Variants in SREBF2 observed in about 807,000 individuals in gnomAD.
SREBF2 encodes the protein sterol regulatory element binding transcription factor 2.
Under a neutral mutation model 113.1 loss-of-function variants are expected in SREBF2, and 55 were observed. That is an observed-to-expected ratio of 0.49 (90% CI 0.39 to 0.61). The LOEUF is 0.61. SREBF2 is among the 20% of genes least tolerant of loss of function. The pLI is 0.00. For synonymous variants in SREBF2, 593 were observed against 605.7 expected (o/e 0.98, Z 0.31); for missense variants, 1,349 against 1,487.4 (o/e 0.91, Z 1.53).
At chr22:41,869,489 A>ATT (rs200309298) in intron 3 of SREBF2, among the ~76,000 whole-genome samples, 1 of 120,182 alleles carries the variant, frequency 8.3e-6, no homozygotes, top group East Asian at 2.2e-4. Context: ...CTTTTTTTTA[A>ATT]TTTTTTTTTT....
chr22:41,894,862 T>C lies in SREBF2; in HGVS notation c.2420T>C (p.Leu807Pro). Residue 807 changes from leucine (L) to proline (P), a missense_variant, in exon 13 of 19, where the codon CTG (leucine) becomes CCG (proline). Physicochemically the swap from Leu to Pro is moderately conservative, Grantham distance 98. Coordinates refer to ENST00000361204, the MANE Select transcript of SREBF2 (RefSeq NM_004599.4). ...GTCCACCAGGCCTTCTGCAAGAACC[T>C]GCTGGAGCGAGCTATAGAGTCCTTG... Reference protein sequence around the residue: ...AQVHQAFCKNLLERAIESLVK... With the variant: ...AQVHQAFCKNPLERAIESLVK... 1 of 1,614,152 alleles carries C rather than the reference T, an allele frequency of 6.2e-7. No individual in the cohort carries two copies. Among genetic ancestry groups the C allele is most frequent in the Non-Finnish European group, 8.5e-7 (1 of 1,180,024 alleles).
At chr22:41,884,785 G>A (rs2077283801) in intron 10 of SREBF2, 57 bp from the exon 11 acceptor site, 17 of 1,602,124 alleles carry the variant, frequency 1.1e-5, no homozygotes, top group Non-Finnish European at 1.4e-5. Flanking sequence ...GAGAGAGCAG[G>A]AAAAAGTTTG....
At chr22:41,863,640 A>G (rs926577223) in intron 1 of SREBF2, among the ~76,000 whole-genome samples, 2 of 152,190 alleles carry the variant, frequency 1.3e-5, no homozygotes, top group South Asian at 2.1e-4. Context: ...ATCTGTAGCA[A>G]TCTGCCCATT....
intron 15 of SREBF2, 70 bp from the exon 16 acceptor site, chr22:41,900,260 T>G: frequency 6.3e-7 from 1 of 1,587,570 alleles, no homozygotes; most frequent in Non-Finnish European, 8.5e-7. Context: ...AGTCACTGGC[T>G]TGGGCCCCTC....
At position 41,880,970 on chromosome 22, in the gene SREBF2, G is replaced by A. The variant is rs766249558; in HGVS notation, c.2016G>A (p.Arg672=). The A allele has an allele frequency of 2.5e-6, 4 of 1,608,358 alleles. No individual in the cohort carries two copies. Among genetic ancestry groups the A allele is most frequent in the Non-Finnish European group, 8.5e-7 (1 of 1,179,926 alleles). ...SARDAALAYH[R]LHQLHITGKL... The stretch of plus-strand genomic sequence containing the variant: ...GGGATGCGGCTCTGGCCTATCACCG[G>A]CTGCACCAGCTGCACATCACAGGTG... Residue 672 remains arginine, a synonymous_variant, in exon 10 of 19, where the codon CGG becomes CGA. Transcript: ENST00000361204.
At chr22:41,860,356 A>G (rs993661691) in intron 1 of SREBF2, among the ~76,000 whole-genome samples, 6 of 152,348 alleles carry the variant, frequency 3.9e-5, no homozygotes, top group East Asian at 3.9e-4. Context: ...TAGAAAAAAA[A>G]AAGACTTTCA....
At chr22:41,878,766 A>G (rs1437450400) in intron 9 of SREBF2, 4 of 1,301,972 alleles carry the variant, frequency 3.1e-6, no homozygotes, top group Non-Finnish European at 3.0e-6. Context: ...GCAGTGAGCC[A>G]TGGGCCTGCC....
At chr22:41,883,924 T>G (rs1003654348) in intron 10 of SREBF2, among the ~76,000 whole-genome samples, 4 of 152,192 alleles carry the variant, frequency 2.6e-5, no homozygotes, top group South Asian at 2.1e-4. Flanking sequence ...TCACGAGAGC[T>G]GTGATGGGCC....
chr22:41,895,023 G>A (rs2077399901), intron 13 of SREBF2, 86 bp downstream of exon 13: 2 of 1,054,200 alleles, frequency 1.9e-6, no homozygotes, highest in Non-Finnish European at 2.9e-6. Flanking sequence ...ACTCCTGGAG[G>A]GAAACAAGCC....
chr22:41,893,152 C>G lies in SREBF2; in HGVS notation c.2244C>G (p.Gly748=). ...TCAGCCGAGCCCAGAGCCTGTGTGGCCCCGAGCACAGTGCTGTTCCTGACT... is the reference window on the plus strand; with the variant it reads ...TCAGCCGAGCCCAGAGCCTGTGTGGGCCCGAGCACAGTGCTGTTCCTGACT... ...YFLSRAQSLC[G]PEHSAVPDSL... Residue 748 remains glycine (G), a synonymous_variant, in exon 12 of 19, where the codon GGC becomes GGG. Coordinates refer to ENST00000361204, the MANE Select transcript of SREBF2 (RefSeq NM_004599.4). The G allele has an allele frequency of 1.9e-6, 3 of 1,614,044 alleles. No homozygotes were observed. Among genetic ancestry groups the G allele is most frequent in the Non-Finnish European group, 2.5e-6 (3 of 1,180,040 alleles).
rs188547500 is a variant in SREBF2, at chr22:41,887,132, C to T, written c.2208+2121C>T. ...TGGGAGGCTGAGGCAGGAGAATCGCCTGAACCTGGGAAGTGGAGGTTGTAA... is the reference window on the plus strand; with the variant it reads ...TGGGAGGCTGAGGCAGGAGAATCGCTTGAACCTGGGAAGTGGAGGTTGTAA... On this transcript the variant is annotated intron_variant, in intron 11 of 18. Transcript: ENST00000361204. 2.6e-5 allele frequency among the ~76,000 whole-genome samples: 4 copies of T among 152,016 alleles called. No homozygotes were observed. The East Asian group carries it at 7.7e-4, about 29-fold the overall frequency.
At chr22:41,888,203 C>A (rs1050171897) in intron 11 of SREBF2, among the ~76,000 whole-genome samples, 14 of 152,172 alleles carry the variant, frequency 9.2e-5, no homozygotes, top group African/African-American at 3.4e-4. Context: ...TTCAATAAAT[C>A]TTTGTCCTAC....
At chr22:41,867,752 A>G (rs1353008313) in intron 2 of SREBF2, among the ~76,000 whole-genome samples, 1 of 152,048 alleles carries the variant, frequency 6.6e-6, no homozygotes, top group Non-Finnish European at 1.5e-5. Context: ...GCTTGCAGTG[A>G]GCAGAGATCG....
At chr22:41,871,572 C>T (rs113214371) in intron 4 of SREBF2, among the ~76,000 whole-genome samples, 1 of 152,116 alleles carries the variant, frequency 6.6e-6, no homozygotes, top group Non-Finnish European at 1.5e-5. Flanking sequence ...TATATTCATA[C>T]AATGAAATTA....
Position 41,903,065 on chromosome 22 carries a change from C to A in SREBF2, c.3003C>A (p.Tyr1001Ter). 6.2e-7 allele frequency: 1 copy of A among 1,602,306 alleles called. No individual in the cohort carries two copies. The change falls in exon 17 of 19, where the codon TAC (tyrosine) becomes TAA (stop). Residue 1001 changes from tyrosine (Y) to a stop codon, truncating the protein, a stop_gained. Coordinates refer to ENST00000361204, the MANE Select transcript of SREBF2 (RefSeq NM_004599.4). LOFTEE classifies it high-confidence loss of function. ...CCAGCCAGGCTGTGGGGGAGACCTACCACGCGTCAGGCGCTGAACTGGCGG... is the reference window on the plus strand; with the variant it reads ...CCAGCCAGGCTGTGGGGGAGACCTAACACGCGTCAGGCGCTGAACTGGCGG... ...ASASQAVGETYHASGAELAGF... is the reference protein window; with the variant it reads ...ASASQAVGET
chr22:41,877,870 T>TG, intron 8 of SREBF2, 72 bp from the exon 9 acceptor site: 25 of 1,496,696 alleles, frequency 1.7e-5, no homozygotes, highest in Non-Finnish European at 2.3e-5. Flanking sequence ...GTGATAGTGC[T>TG]GGGGTCTGTC....
At position 41,833,107 on chromosome 22, in the gene SREBF2, T is replaced by G. The variant is rs1431178931; in HGVS notation, c.-164T>G. 1.4e-5 allele frequency: 7 copies of G among 502,196 alleles called. No individual in the cohort carries two copies. The highest frequency in any genetic ancestry group is 5.4e-4 in the Middle Eastern group (1 of 1,860). 31.1% of individuals were successfully genotyped at this position (502,196 alleles called of 1,614,324 possible). Reference sequence around the variant, plus strand: ...GGGCGGGGGAATCCCGCCCCGCCCTTTCTGTGCGGCGCCCGGGCGCAACGC... The same window carrying G: ...GGGCGGGGGAATCCCGCCCCGCCCTGTCTGTGCGGCGCCCGGGCGCAACGC... On this transcript the variant is annotated 5_prime_UTR_variant, in exon 1 of 19. Transcript: ENST00000361204. The surrounding 1 kb of genome is among the most constrained non-coding windows in gnomAD (Gnocchi z 4.1).
intron 8 of SREBF2, 148 bp downstream of exon 8, chr22:41,877,569 C>G (rs1458009082): frequency 1.0e-6 from 1 of 957,326 alleles, no homozygotes; most frequent in Non-Finnish European, 1.6e-6. Context: ...TAGGGACTGG[C>G]ATAAGTTCCA....
rs147091796 is a variant in SREBF2 at position 41,875,560 on chromosome 22, G to A, written c.1222G>A (p.Asp408Asn). ...NQKNKLLKGI[D>N]LGSLVDNEVD... Reference sequence around the variant, plus strand: ...CTTTGCAGAGCTTCTAAAGGGCATCGACCTAGGCAGTCTGGTGGACAATGA... The same window carrying A: ...CTTTGCAGAGCTTCTAAAGGGCATCAACCTAGGCAGTCTGGTGGACAATGA... The change falls in exon 7 of 19, where the codon GAC becomes AAC. Residue 408 changes from aspartate to asparagine, a missense_variant. Physicochemically the swap from Asp to Asn is conservative, Grantham distance 23. This residue lies in a region of SREBF2 where 699 missense variants were observed against 843.3 expected (regional missense o/e 0.83). Transcript: ENST00000361204. The A allele has an allele frequency of 3.1e-6, 5 of 1,614,162 alleles. No homozygotes were observed. The highest frequency in any genetic ancestry group is 1.3e-5 in the African/African-American group (1 of 75,030).
Sources: allele counts gnomAD v4.1 joint callset (sites outside exome capture counted in the v4.1 genomes callset), GRCh38; gene constraint gnomAD v4.1.1; regional missense constraint gnomAD v4.1.1; non-coding constraint Gnocchi (gnomAD v3.1); transcripts MANE v1.5; gene names NCBI Gene and HGNC (gene_info 2026-07-23, HGNC 2026-07-21).